The following XPNPEP1 variants were observed in gnomAD, a reference collection of about 807,000 sequenced individuals.
XPNPEP1 encodes xaa-Pro aminopeptidase 1.
A neutral mutation model predicts 92.4 loss-of-function variants in XPNPEP1; 39 were observed. The ratio of observed to expected loss-of-function variants is 0.42; its 90% confidence interval spans 0.33 to 0.55. The LOEUF (loss-of-function observed/expected upper bound fraction) is 0.55, where lower values mean the gene tolerates loss of function less well. XPNPEP1 is among the 20% of genes least tolerant of loss of function. XPNPEP1 has a pLI of 0.08. For missense variants in XPNPEP1, 654 were observed against 856.1 expected, an observed-to-expected ratio of 0.76 and a Z score of 2.95; for synonymous variants, 307 against 299.4, an observed-to-expected ratio of 1.03 and a Z score of -0.26.
At position 109,870,860 on chromosome 10, in the gene XPNPEP1, CT is replaced by C. The variant is rs1212505803; in HGVS notation, c.1566del (p.Gly523AlafsTer2). 6.2e-7 allele frequency: 1 copy of C among 1,613,940 alleles called. No individual in the cohort carries two copies. The highest frequency in any genetic ancestry group is 8.5e-7 in the Non-Finnish European group (1 of 1,180,006). ...CCAGTCCCGTGCAAGTAATCTAGGC[CT>C]GAATCCCATAAAGCTGAACGGGCAA... Reference protein sequence around the residue: ...DSFARSALWDSGLDYLHGTGH... With the variant: ...DSFARSALWDXGLDYLHGTGH... On this transcript the variant is annotated frameshift_variant, in exon 18 of 21. Transcript: ENST00000502935. LOFTEE classifies it high-confidence loss of function.
rs763765256 is a variant in XPNPEP1, at chr10:109,880,258, A to AT, written c.1132-21dup. On this transcript the variant is annotated intron_variant, in intron 11 of 20. Transcript: ENST00000502935. ...TTTAATCTGTGCAAACAATGGAGAC[A>AT]TTTTTTAAGTTATCACTGAAAATCA... 3.1e-5 allele frequency: 50 copies of AT among 1,613,256 alleles called. No individual in the cohort carries two copies. The highest frequency in any genetic ancestry group is 4.2e-5 in the Non-Finnish European group (49 of 1,179,942).
In XPNPEP1 at chr10:109,893,089, A is replaced by G; in HGVS notation, c.247-14T>C. The stretch of plus-strand genomic sequence containing the variant: ...AATATACTCACTCTGGAAAACAAAG[A>G]TGACAACAAAGTGGGCCTCGATCAG... On this transcript the variant is annotated splice_polypyrimidine_tract_variant and intron_variant, in intron 3 of 20. Transcript: ENST00000502935. 1 of 1,612,832 alleles carries G rather than the reference A, an allele frequency of 6.2e-7. No individual in the cohort carries two copies. The highest frequency in any genetic ancestry group is 2.2e-5 in the East Asian group (1 of 44,874).
chr10:109,908,852 TA>T (rs1287637336), intron 2 of XPNPEP1, among the ~76,000 whole-genome samples: 2 of 152,340 alleles, frequency 1.3e-5, no homozygotes, highest in African/African-American at 4.8e-5. Flanking sequence ...GCTACAGATT[TA>T]GAGAAGAAAG....
At chr10:109,915,506 T>C (rs956195286) in intron 1 of XPNPEP1, among the ~76,000 whole-genome samples, 2 of 152,154 alleles carry the variant, frequency 1.3e-5, no homozygotes, top group East Asian at 1.9e-4. Context: ...TATTTTATAA[T>C]TTCTCCCATA....
At chr10:109,886,885 A>G (rs1009908585) in intron 7 of XPNPEP1, among the ~76,000 whole-genome samples, 1 of 152,198 alleles carries the variant, frequency 6.6e-6, no homozygotes, top group Non-Finnish European at 1.5e-5. Context: ...GCTAAGACCT[A>G]GGAATTCCCT....
In XPNPEP1 at chr10:109,868,841, TCAC is replaced by T. The variant is rs1253199798; in HGVS notation, c.1774-132_1774-130del. The T allele has an allele frequency of 6.6e-6, 5 of 753,108 alleles. No individual in the cohort carries two copies. In the South Asian group the frequency reaches 6.8e-5, roughly 10 times the overall value. The allele number at this position is 753,108 out of a possible 1,614,324, so 46.7% of individuals were successfully genotyped here. ...TGGGAGCCAAGAAGTGGTGAGCTGG[TCAC>T]CACTTTTCACAGACACACAAGGAAC... On this transcript the variant is annotated intron_variant, in intron 19 of 20. Coordinates refer to ENST00000502935, the MANE Select transcript of XPNPEP1 (RefSeq NM_020383.4).
intron 3 of XPNPEP1, among the ~76,000 whole-genome samples, chr10:109,901,401 A>C (rs1054659822): frequency 6.6e-6 from 1 of 152,202 alleles, no homozygotes; most frequent in Non-Finnish European, 1.5e-5. Flanking sequence ...CCTAGAACTT[A>C]AAGTATAATT....
Position 109,880,907 on chromosome 10 carries a change from T to C in XPNPEP1, c.1066A>G (p.Thr356Ala). The change falls in exon 11 of 21, where the codon ACC becomes GCC. Residue 356 changes from threonine to alanine, a missense_variant. Physicochemically the swap from Thr to Ala is moderately conservative, Grantham distance 58. Coordinates refer to ENST00000502935, the MANE Select transcript of XPNPEP1 (RefSeq NM_020383.4). The stretch of plus-strand genomic sequence containing the variant: ...ACAGCTTTGGCGATGCAGATGGGGG[T>C]GTAAGGCATACAGCAGCGGTGGTCC... Reference protein sequence around the residue: ...PKDHRCCMPYTPICIAKAVKN... With the variant: ...PKDHRCCMPYAPICIAKAVKN... The C allele has an allele frequency of 1.9e-6, 3 of 1,613,806 alleles. No homozygotes were observed. Among genetic ancestry groups the C allele is most frequent in the South Asian group, 1.1e-5 (1 of 91,008 alleles).
intron 2 of XPNPEP1, 138 bp from the exon 3 acceptor site, chr10:109,907,953 C>G (rs930418621): frequency 8.1e-7 from 1 of 1,241,162 alleles, no homozygotes; most frequent in Non-Finnish European, 1.1e-6. Context: ...ATCACTCCAC[C>G]ACCAGACCAA....
chr10:109,893,109 G>C, intron 3 of XPNPEP1, 34 bp from the exon 4 acceptor site: 2 of 1,593,796 alleles, frequency 1.3e-6, no homozygotes, highest in African/African-American at 1.3e-5. Flanking sequence ...AGTGGGCCTC[G>C]ATCAGTCATG....
At chr10:109,891,171 A>T (rs567379267) in intron 5 of XPNPEP1, 1 of 152,430 alleles carries the variant, frequency 6.6e-6, no homozygotes, top group African/African-American at 2.4e-5. Context: ...TTTAATTCTC[A>T]CCACTTTATA....
Position 109,868,652 on chromosome 10 carries a change from T to A in XPNPEP1, c.1834A>T (p.Thr612Ser). Residue 612 changes from threonine to serine, a missense_variant, in exon 20 of 21, where the codon ACC becomes TCC. Physicochemically the swap from Thr to Ser is moderately conservative, Grantham distance 58 (BLOSUM62 1). Transcript: ENST00000502935. Reference sequence around the variant, plus strand: ...AGAGAATCCACATCTATCATTTTGGTCTGAATTGGAACCAATGTTAGAGGT... The same window carrying A: ...AGAGAATCCACATCTATCATTTTGGACTGAATTGGAACCAATGTTAGAGGT... ...FEPLTLVPIQ[T>S]KMIDVDSLTD... 1.9e-6 allele frequency: 3 copies of A among 1,614,050 alleles called. No homozygotes were observed. The highest frequency in any genetic ancestry group is 2.5e-6 in the Non-Finnish European group (3 of 1,179,972).
chr10:109,866,885 G>A (rs1847173906), intron 20 of XPNPEP1, among the ~76,000 whole-genome samples: 1 of 152,228 alleles, frequency 6.6e-6, no homozygotes, highest in South Asian at 2.1e-4. Context: ...TGAAACACTG[G>A]GTAACACAGA....
intron 20 of XPNPEP1, 46 bp downstream of exon 20, chr10:109,868,568 C>G (rs1393584598): frequency 6.8e-7 from 1 of 1,467,624 alleles, no homozygotes; most frequent in Non-Finnish European, 9.5e-7. Flanking sequence ...AAGGTAGTCT[C>G]CACCTCCCCT....
intron 12 of XPNPEP1, among the ~76,000 whole-genome samples, chr10:109,878,619 G>A (rs879917586): frequency 2.0e-5 from 3 of 152,184 alleles, no homozygotes; most frequent in Non-Finnish European, 2.9e-5. Context: ...CAGGTGTGAT[G>A]GCTCACACCT....
chr10:109,881,924 T>G (rs534136810), intron 10 of XPNPEP1, among the ~76,000 whole-genome samples: 7 of 152,324 alleles, frequency 4.6e-5, no homozygotes, highest in Admixed American at 2.6e-4. Flanking sequence ...GAGCCTCAAG[T>G]GTCCTTAGCT....
In XPNPEP1 at chr10:109,867,758, C is replaced by T. The variant is rs569204042; in HGVS notation, c.1872+856G>A. ...TTCCGAGAGTAACCCACCGTGCTTACCCTGCCTTCGGCTCCCACCAGTCAT... is the reference window on the plus strand; with the variant it reads ...TTCCGAGAGTAACCCACCGTGCTTATCCTGCCTTCGGCTCCCACCAGTCAT... On this transcript the variant is annotated intron_variant, in intron 20 of 20. Coordinates refer to ENST00000502935, the MANE Select transcript of XPNPEP1 (RefSeq NM_020383.4). This position sits in a 1 kb window ranked among gnomAD's most constrained non-coding sequence, Gnocchi z 4.5. 2.0e-5 allele frequency among the ~76,000 whole-genome samples: 3 copies of T among 152,366 alleles called. No homozygotes were observed. The highest frequency in any genetic ancestry group is 4.1e-4 in the South Asian group (2 of 4,822).
intron 3 of XPNPEP1, among the ~76,000 whole-genome samples, chr10:109,893,816 A>T (rs976792375): frequency 6.6e-6 from 1 of 152,238 alleles, no homozygotes; most frequent in African/African-American, 2.4e-5. Flanking sequence ...ACTTGCCCCA[A>T]ATCACACAGC....
At position 109,915,102 on chromosome 10, in the gene XPNPEP1, T is replaced by C; in HGVS notation, c.33-3A>G. ...GTTGAAAATCCTGGTGATTCACCCT[T>C]AAGGAGAGAAAGAACAGGAAGTTGC... On this transcript the variant is annotated splice_polypyrimidine_tract_variant and splice_region_variant and intron_variant, in intron 1 of 20. Transcript: ENST00000502935. 1 of 1,511,028 alleles carries C rather than the reference T, an allele frequency of 6.6e-7. No homozygotes were observed. Among genetic ancestry groups the C allele is most frequent in the Non-Finnish European group, 8.8e-7 (1 of 1,131,240 alleles). 93.6% of individuals were successfully genotyped at this position (1,511,028 alleles called of 1,614,324 possible).
Sources: allele counts gnomAD v4.1 joint callset (sites outside exome capture counted in the v4.1 genomes callset), GRCh38; gene constraint gnomAD v4.1.1; non-coding constraint Gnocchi (gnomAD v3.1); transcripts MANE v1.5; gene names NCBI Gene and HGNC (gene_info 2026-07-23, HGNC 2026-07-21).